The following ADAMTS9 variants were observed in gnomAD, a reference collection of about 807,000 sequenced individuals.
ADAMTS9 encodes the protein ADAM metallopeptidase with thrombospondin type 1 motif 9.
Under a neutral mutation model 257.1 loss-of-function variants are expected in ADAMTS9, and 107 were observed. The observed-to-expected ratio is 0.42, with a 90% CI of 0.36 to 0.49. The LOEUF (loss-of-function observed/expected upper bound fraction) is 0.49, where lower values mean the gene tolerates loss of function less well. ADAMTS9 is among the 20% of genes least tolerant of loss of function. The probability of loss-of-function intolerance (pLI) is 0.03; values close to 1 mark genes in which losing one functional copy is unlikely to be tolerated. For synonymous variants in ADAMTS9, 982 were observed against 880.9 expected (o/e 1.11, Z -2.03); for missense variants, 2,353 against 2,469.1 (o/e 0.95, Z 1.00).
At chr3:64,629,564 T>C (rs1386794248) in intron 16 of ADAMTS9, among the ~76,000 whole-genome samples, 1 of 152,228 alleles carries the variant, frequency 6.6e-6, no homozygotes, top group Non-Finnish European at 1.5e-5. Flanking sequence ...ATTTCAACTC[T>C]ACTGTCCACA....
chr3:64,610,484 T>C lies in ADAMTS9; in HGVS notation c.3354+2861A>G, dbSNP rs374492836. Among the ~76,000 whole-genome samples, 12 of 145,496 alleles carry C rather than the reference T, an allele frequency of 8.2e-5. No homozygotes were observed. The East Asian group carries it at 1.4e-3, about 17-fold the overall frequency. Reference sequence around the variant, plus strand: ...AGAGAAATTCTGTGATGAGTTTTATTTTACTATTAACACAATTCATATTTT... The same window carrying C: ...AGAGAAATTCTGTGATGAGTTTTATCTTACTATTAACACAATTCATATTTT... On this transcript the variant is annotated intron_variant, in intron 22 of 39. Transcript: ENST00000498707.
At chr3:64,678,638 G>A (rs12490804) in intron 3 of ADAMTS9, among the ~76,000 whole-genome samples, 40,889 of 152,120 alleles carry the variant, frequency 0.27, 6,165 homozygotes, top group Admixed American at 0.37. Flanking sequence ...AATCTGAGTG[G>A]ATTGCTATTG....
At chr3:64,636,637 CTAAGAA>C (rs1353528729) in intron 12 of ADAMTS9, among the ~76,000 whole-genome samples, 6 of 152,046 alleles carry the variant, frequency 3.9e-5, no homozygotes, top group African/African-American at 1.4e-4. Context: ...GGTTTGTGAG[CTAAGAA>C]TAAGTTTTAA....
In ADAMTS9 at chr3:64,654,362, A is replaced by G; in HGVS notation, c.1307T>C (p.Leu436Pro). ...CTGAAAGGTAACTCACACATGGCCC[A>G]GCTCATGGGCGATCGTAAAAGCTGT... is the stretch of plus-strand genomic sequence containing the variant. Reference protein sequence around the residue: ...LSTAFTIAHELGHVFNMPHDD... With the variant: ...LSTAFTIAHEPGHVFNMPHDD... The change falls in exon 8 of 40, where the codon CTG (leucine) becomes CCG (proline). Residue 436 changes from leucine to proline, a missense_variant. By Grantham distance (98) the Leu-to-Pro change is moderately conservative (BLOSUM62 -3). Around this residue, in one of 3 missense-constraint regions of ADAMTS9, gnomAD observed 591 missense variants for 569.6 expected, o/e 1.04. Transcript: ENST00000498707. 1 of 1,613,638 alleles carries G rather than the reference A, an allele frequency of 6.2e-7. No individual in the cohort carries two copies.
At chr3:64,544,633 A>C (rs2106918239) in intron 32 of ADAMTS9, among the ~76,000 whole-genome samples, 1 of 152,344 alleles carries the variant, frequency 6.6e-6, no homozygotes, top group South Asian at 2.1e-4. Flanking sequence ...TTAAAGACTT[A>C]AATGTTAGAC....
At chr3:64,557,887 A>G (rs1036920) in intron 30 of ADAMTS9, among the ~76,000 whole-genome samples, 111,068 of 152,018 alleles carry the variant, frequency 0.73, 40,751 homozygotes, top group South Asian at 0.92. Flanking sequence ...CAATTATTCT[A>G]CCCTATATCT....
rs200699376 is a variant in ADAMTS9 at position 64,541,626 on chromosome 3, A to C, written c.5198-6T>G. 28 of 1,610,810 alleles carry C rather than the reference A, an allele frequency of 1.7e-5. No homozygotes were observed. Among genetic ancestry groups the C allele is most frequent in the Non-Finnish European group, 1.9e-5 (22 of 1,177,186 alleles). ...GCAATTCTGGGGTAACTCACCTAGAAAACACCAATCACAAAAAATAGGGTG... is the reference window on the plus strand; with the variant it reads ...GCAATTCTGGGGTAACTCACCTAGACAACACCAATCACAAAAAATAGGGTG... On this transcript the variant is annotated splice_polypyrimidine_tract_variant and splice_region_variant and intron_variant, in intron 33 of 39. Transcript: ENST00000498707.
At chr3:64,532,573 ACT>A (rs1200447920) in intron 38 of ADAMTS9, among the ~76,000 whole-genome samples, 1 of 152,000 alleles carries the variant, frequency 6.6e-6, no homozygotes, top group Non-Finnish European at 1.5e-5. Flanking sequence ...TCAGCTGTAG[ACT>A]CTGACTCACT....
chr3:64,627,243 G>C (rs1347102686), intron 16 of ADAMTS9, among the ~76,000 whole-genome samples: 1 of 152,102 alleles, frequency 6.6e-6, no homozygotes, highest in African/African-American at 2.4e-5. Context: ...TGCTGACTCA[G>C]GGCATTTCAC....
At chr3:64,542,018 C>T (rs1159452139) in intron 32 of ADAMTS9, 48 bp from the exon 33 acceptor site, 2 of 1,610,802 alleles carry the variant, frequency 1.2e-6, no homozygotes, top group Admixed American at 3.3e-5. Context: ...ATGTGGGAGG[C>T]ATAGGCTTCT....
At chr3:64,659,737 G>T (rs1701180942) in intron 3 of ADAMTS9, among the ~76,000 whole-genome samples, 1 of 152,074 alleles carries the variant, frequency 6.6e-6, no homozygotes, top group Admixed American at 6.5e-5. Context: ...CGAGAGTCTG[G>T]GCAGGCAGCT....
At chr3:64,595,587 C>G (rs1208252029) in intron 27 of ADAMTS9, among the ~76,000 whole-genome samples, 1 of 152,196 alleles carries the variant, frequency 6.6e-6, no homozygotes, top group Non-Finnish European at 1.5e-5. Flanking sequence ...TTGGGAAATC[C>G]ACAATACATG....
intron 3 of ADAMTS9, among the ~76,000 whole-genome samples, chr3:64,662,582 T>G (rs2106984833): frequency 6.6e-6 from 1 of 152,288 alleles, no homozygotes; most frequent in South Asian, 2.1e-4. Flanking sequence ...TGGTGTTCTG[T>G]TATCAGGTGC....
chr3:64,633,396 T>C, intron 14 of ADAMTS9, 76 bp downstream of exon 14: 1 of 1,581,184 alleles, frequency 6.3e-7, no homozygotes, highest in South Asian at 1.2e-5. Context: ...TAGCAGTTGC[T>C]ATTCTATCTA....
At chr3:64,529,982 A>ATTTTTTTTTTTT (rs200385291) in intron 38 of ADAMTS9, among the ~76,000 whole-genome samples, 14 of 106,470 alleles carry the variant, frequency 1.3e-4, no homozygotes, top group African/African-American at 2.2e-4. Context: ...CAGTTATTTA[A>ATTTTTTTTTTTT]TTTTTTTTTT....
intron 16 of ADAMTS9, among the ~76,000 whole-genome samples, chr3:64,627,677 C>T (rs139205442): frequency 2.6e-4 from 40 of 152,184 alleles, no homozygotes; most frequent in African/African-American, 9.2e-4. Flanking sequence ...CCCACTAATG[C>T]GATTAAGGGA....
rs188601508 is a variant in ADAMTS9 at position 64,653,848 on chromosome 3, A to G, written c.1316+505T>C. On this transcript the variant is annotated intron_variant, in intron 8 of 39. Coordinates refer to ENST00000498707, the MANE Select transcript of ADAMTS9 (RefSeq NM_182920.2). Reference sequence around the variant, plus strand: ...TGATTCCTTCTTTCTATCTTTGTTCATTCTCTTTCCTGAAAAAAGGGATAC... The same window carrying G: ...TGATTCCTTCTTTCTATCTTTGTTCGTTCTCTTTCCTGAAAAAAGGGATAC... 1.3e-3 allele frequency among the ~76,000 whole-genome samples: 196 copies of G among 152,314 alleles called. 3 individuals are homozygous for G. Among genetic ancestry groups the G allele is most frequent in the Non-Finnish European group, 2.2e-4 (15 of 68,030 alleles).
At chr3:64,592,049 A>G (rs1039636318) in intron 28 of ADAMTS9, among the ~76,000 whole-genome samples, 13 of 152,250 alleles carry the variant, frequency 8.5e-5, no homozygotes, top group African/African-American at 2.9e-4. Flanking sequence ...ACAGAAATAA[A>G]CACACAATTA....
chr3:64,623,975 A>G lies in ADAMTS9; in HGVS notation c.2390-1389T>C, dbSNP rs553619891. 5.9e-5 allele frequency among the ~76,000 whole-genome samples: 9 copies of G among 152,060 alleles called. No individual in the cohort carries two copies. In the South Asian group the frequency reaches 1.9e-3, roughly 32 times the overall value. On this transcript the variant is annotated intron_variant, in intron 16 of 39. Transcript: ENST00000498707. The stretch of plus-strand genomic sequence containing the variant: ...AATCGAGTGCCAAAATGTTGGCCAA[A>G]TGAGAACCTGGCAGAGTTAGACCAG...
Sources: allele counts gnomAD v4.1 joint callset (sites outside exome capture counted in the v4.1 genomes callset), GRCh38; gene constraint gnomAD v4.1.1; regional missense constraint gnomAD v4.1.1; transcripts MANE v1.5; gene names NCBI Gene and HGNC (gene_info 2026-07-23, HGNC 2026-07-21).